The following ZZEF1 variants were observed in gnomAD, a reference collection of about 807,000 sequenced individuals.
ZZEF1 encodes zinc finger ZZ-type and EF-hand domain containing 1, also known as zinc finger ZZ-type and EF-hand domain-containing protein 1.
Under a neutral mutation model 342.8 loss-of-function variants are expected in ZZEF1, and 157 were observed. That is an observed-to-expected ratio of 0.46 (90% CI 0.40 to 0.52). ZZEF1 has a LOEUF of 0.52. Among genes scored for constraint, ZZEF1 ranks in the 20% least tolerant of loss-of-function variants. The probability of loss-of-function intolerance (pLI) is 0.00; values close to 1 mark genes in which losing one functional copy is unlikely to be tolerated. For missense variants in ZZEF1, 3,480 were observed against 3,725.6 expected (o/e 0.93, Z 1.72); for synonymous variants, 1,505 against 1,429.1 (o/e 1.05, Z -1.20).
chr17:4,114,352 T>C lies in ZZEF1; in HGVS notation c.813A>G (p.Gly271=), dbSNP rs749893203. 1.2e-6 allele frequency: 2 copies of C among 1,612,196 alleles called. No individual in the cohort carries two copies. The highest frequency in any genetic ancestry group is 2.2e-5 in the South Asian group (2 of 90,530). ...NSADIDKMTN[G]ETSSYWQSDG... Reference sequence around the variant, plus strand: ...CTGACTGCCAGTAGGATGAGGTTTCTCCATTTGTCATCTTGTCAATGTCTG... The same window carrying C: ...CTGACTGCCAGTAGGATGAGGTTTCCCCATTTGTCATCTTGTCAATGTCTG... Residue 271 remains glycine (G), a synonymous_variant, in exon 4 of 55, where the codon GGA becomes GGG. Transcript: ENST00000381638.
At chr17:4,111,730 C>T (rs893891180) in intron 5 of ZZEF1, among the ~76,000 whole-genome samples, 5 of 142,084 alleles carry the variant, frequency 3.5e-5, no homozygotes, top group African/African-American at 1.3e-4. Context: ...TATGTATAAA[C>T]ATATATAAAA....
intron 9 of ZZEF1, among the ~76,000 whole-genome samples, chr17:4,101,289 G>A (rs2145433728): frequency 6.6e-6 from 1 of 152,132 alleles, no homozygotes; most frequent in Middle Eastern, 3.4e-3. Flanking sequence ...GAACATACGA[G>A]GACTCATTGC....
chr17:4,133,331 A>G (rs2058699268), intron 1 of ZZEF1, among the ~76,000 whole-genome samples: 1 of 152,116 alleles, frequency 6.6e-6, no homozygotes, highest in African/African-American at 2.4e-5. Context: ...GAGGTCAGGT[A>G]CCTTGCCTGA....
At chr17:4,047,684 T>C (rs2056950333) in intron 37 of ZZEF1, among the ~76,000 whole-genome samples, 1 of 146,392 alleles carries the variant, frequency 6.8e-6, no homozygotes, top group Non-Finnish European at 1.5e-5. Context: ...GGCTCACGCC[T>C]GTAATCCCAG....
chr17:4,105,966 T>A (rs1038226407), intron 6 of ZZEF1, among the ~76,000 whole-genome samples, 157 bp from the exon 7 acceptor site: 1 of 152,222 alleles, frequency 6.6e-6, no homozygotes, highest in African/African-American at 2.4e-5. Flanking sequence ...TTCTTTTTTT[T>A]TGAGACGGAG....
intron 5 of ZZEF1, among the ~76,000 whole-genome samples, chr17:4,111,661 A>AAAAAAAAAAAG (rs150016203): frequency 2.9e-5 from 4 of 139,048 alleles, no homozygotes; most frequent in Non-Finnish European, 4.6e-5. Flanking sequence ...TCTGTCTCAA[A>AAAAAAAAAAAG]AAAAAAATAT....
Position 4,032,818 on chromosome 17 carries a change from A to AGT in ZZEF1, c.6759+8_6759+9dup, listed in dbSNP as rs2056578064. On this transcript the variant is annotated intron_variant, in intron 41 of 54. Coordinates refer to ENST00000381638, the MANE Select transcript of ZZEF1 (RefSeq NM_015113.4). ...GGTGACCAGGCCCTCAGGCCTTCAG[A>AGT]GTGTGGTACCTGGGGGAAGCCAACC... 6.2e-7 allele frequency: 1 copy of AGT among 1,613,130 alleles called. No individual in the cohort carries two copies. Among genetic ancestry groups the AGT allele is most frequent in the Admixed American group, 1.7e-5 (1 of 59,994 alleles).
At chr17:4,140,685 A>C (rs991338213) in intron 1 of ZZEF1, among the ~76,000 whole-genome samples, 4 of 152,022 alleles carry the variant, frequency 2.6e-5, no homozygotes, top group Non-Finnish European at 5.9e-5. Context: ...ACTCCTATGA[A>C]CTCTACATAA....
intron 42 of ZZEF1, among the ~76,000 whole-genome samples, chr17:4,026,523 CTTT>C (rs1237651408): frequency 7.1e-6 from 1 of 140,166 alleles, no homozygotes; most frequent in Non-Finnish European, 1.6e-5. Context: ...TTTTTTTTTT[CTTT>C]TTTTTTTTTT....
Position 4,017,127 on chromosome 17 carries a change from G to C in ZZEF1, c.8001+244C>G. The stretch of plus-strand genomic sequence containing the variant: ...ATGTGCCTCAAGATTTCTGCACTTG[G>C]AAACTGGGAAGATGGCGACAAAGCT... On this transcript the variant is annotated intron_variant, in intron 48 of 54. Transcript: ENST00000381638. The surrounding 1 kb of genome is among the most constrained non-coding windows in gnomAD (Gnocchi z 5.1). 1 of 515,860 alleles carries C rather than the reference G, an allele frequency of 1.9e-6. No homozygotes were observed. Among genetic ancestry groups the C allele is most frequent in the South Asian group, 2.7e-5 (1 of 37,020 alleles). The allele number at this position is 515,860 out of a possible 1,614,324, so 32.0% of individuals were successfully genotyped here.
intron 46 of ZZEF1, among the ~76,000 whole-genome samples, chr17:4,018,804 C>A (rs1597763223): frequency 6.6e-6 from 1 of 152,112 alleles, no homozygotes; most frequent in African/African-American, 2.4e-5. Flanking sequence ...TGGTGTGCCA[C>A]CTCTGGAGTC....
At chr17:4,057,157 G>A (rs2057179278) in intron 32 of ZZEF1, among the ~76,000 whole-genome samples, 1 of 152,204 alleles carries the variant, frequency 6.6e-6, no homozygotes, top group South Asian at 2.1e-4. Context: ...TTCCTTCCCT[G>A]AGGACTGTGG....
chr17:4,042,455 C>T lies in ZZEF1; in HGVS notation c.6280G>A (p.Ala2094Thr). ...CSQKRILGLL[A>T]AMLPPLKSGP... ...GACTTTAAGGGAGGTAACATGGCTGCTAGTAATCCCAAAATCCTCTTCTGG... is the reference window on the plus strand; with the variant it reads ...GACTTTAAGGGAGGTAACATGGCTGTTAGTAATCCCAAAATCCTCTTCTGG... The change falls in exon 39 of 55, where the codon GCA becomes ACA. Residue 2094 changes from alanine (A) to threonine (T), a missense_variant. Around this residue, in one of 5 missense-constraint regions of ZZEF1, gnomAD observed 1,269 missense variants for 1,342.4 expected, o/e 0.95. Transcript: ENST00000381638. 1.2e-6 allele frequency: 2 copies of T among 1,613,600 alleles called. No homozygotes were observed. Among genetic ancestry groups the T allele is most frequent in the Non-Finnish European group, 1.7e-6 (2 of 1,179,874 alleles).
At chr17:4,141,633 C>G (rs1597960623) in intron 1 of ZZEF1, among the ~76,000 whole-genome samples, 1 of 152,072 alleles carries the variant, frequency 6.6e-6, no homozygotes, top group Admixed American at 6.6e-5. Flanking sequence ...GAGTAAACCA[C>G]CATGGCACAC....
At chr17:4,057,873 CA>C in intron 32 of ZZEF1, 120 bp downstream of exon 32, 1 of 1,061,614 alleles carries the variant, frequency 9.4e-7, no homozygotes, top group Non-Finnish European at 1.3e-6. Flanking sequence ...TAGGATGTGG[CA>C]AAGCCAAGAT....
intron 5 of ZZEF1, among the ~76,000 whole-genome samples, chr17:4,110,187 A>G (rs181922139): frequency 6.6e-6 from 1 of 152,364 alleles, no homozygotes; most frequent in African/African-American, 2.4e-5. Context: ...AATACATGGT[A>G]AGAACATTTC....
chr17:4,050,773 G>C lies in ZZEF1; in HGVS notation c.5863+8C>G, dbSNP rs772086464. On this transcript the variant is annotated splice_region_variant and intron_variant, in intron 36 of 54. Transcript: ENST00000381638. Reference sequence around the variant, plus strand: ...GCTGGTTTTGGTTTCTGTGCATTGGGAAGTCACCTTTTCCCTGATGAGCCT... The same window carrying C: ...GCTGGTTTTGGTTTCTGTGCATTGGCAAGTCACCTTTTCCCTGATGAGCCT... 6.3e-5 allele frequency: 102 copies of C among 1,613,126 alleles called. No individual in the cohort carries two copies. Among genetic ancestry groups the C allele is most frequent in the Admixed American group, 4.2e-4 (25 of 59,996 alleles).
At chr17:4,118,608 C>G (rs566948554) in intron 2 of ZZEF1, among the ~76,000 whole-genome samples, 1 of 152,266 alleles carries the variant, frequency 6.6e-6, no homozygotes, top group South Asian at 2.1e-4. Context: ...AAACTGGCAG[C>G]CTTTCGGGTC....
At chr17:4,007,571 G>A (rs1404397342) in intron 54 of ZZEF1, among the ~76,000 whole-genome samples, 2 of 152,158 alleles carry the variant, frequency 1.3e-5, no homozygotes, top group Non-Finnish European at 2.9e-5. Flanking sequence ...AGAGGGACCC[G>A]CCCACAGGCA....
Sources: allele counts gnomAD v4.1 joint callset (sites outside exome capture counted in the v4.1 genomes callset), GRCh38; gene constraint gnomAD v4.1.1; regional missense constraint gnomAD v4.1.1; non-coding constraint Gnocchi (gnomAD v3.1); transcripts MANE v1.5; gene names NCBI Gene and HGNC (gene_info 2026-07-23, HGNC 2026-07-21).